POC1B: variants seen among roughly 807,000 people sequenced by gnomAD.
The protein encoded by POC1B is POC1 centriolar protein homolog B.
A neutral mutation model predicts 60.6 loss-of-function variants in POC1B; 44 were observed. The ratio of observed to expected loss-of-function variants is 0.73; its 90% CI spans 0.57 to 0.93. The LOEUF (loss-of-function observed/expected upper bound fraction) is 0.93. Ranked by LOEUF, POC1B falls within the 40% of genes least tolerant of loss-of-function variation. The pLI, the probability that POC1B is intolerant of heterozygous loss-of-function variation, is 0.00. For missense variants in POC1B, 555 were observed against 572.3 expected (o/e 0.97, Z 0.31); for synonymous variants, 180 against 198.9 (o/e 0.90, Z 0.80).
intron 11 of POC1B, among the ~76,000 whole-genome samples, chr12:89,422,255 C>A (rs986751603): frequency 2.6e-5 from 4 of 152,284 alleles, no homozygotes; most frequent in Admixed American, 6.5e-5. Flanking sequence ...CTATCCTGAC[C>A]TTTACAATGA....
intron 8 of POC1B, among the ~76,000 whole-genome samples, chr12:89,467,301 C>T (rs1482484856): frequency 1.3e-5 from 2 of 151,924 alleles, no homozygotes; most frequent in Non-Finnish European, 1.5e-5. Context: ...TTTATATTTA[C>T]CATCCTCAAG....
intron 10 of POC1B, among the ~76,000 whole-genome samples, chr12:89,447,928 T>C (rs1181863898): frequency 6.6e-6 from 1 of 151,910 alleles, no homozygotes; most frequent in Non-Finnish European, 1.5e-5. Flanking sequence ...TGAGGAGCCC[T>C]GAACATGGAG....
At chr12:89,453,341 C>T (rs889295212) in intron 10 of POC1B, among the ~76,000 whole-genome samples, 1 of 152,166 alleles carries the variant, frequency 6.6e-6, no homozygotes, top group African/African-American at 2.4e-5. Flanking sequence ...TAAAAAGTCT[C>T]TTAACTCTTA....
chr12:89,516,705 C>T (rs547237216), intron 2 of POC1B, among the ~76,000 whole-genome samples: 6 of 152,118 alleles, frequency 3.9e-5, no homozygotes, highest in Non-Finnish European at 5.9e-5. Context: ...CTCACAGTTC[C>T]AGAAACCAGA....
chr12:89,501,537 G>A, intron 2 of POC1B: 2 of 1,125,886 alleles, frequency 1.8e-6, no homozygotes, highest in East Asian at 2.4e-5. Flanking sequence ...AAATACAGAT[G>A]CCACCTGTGG....
intron 9 of POC1B, chr12:89,461,983 A>C (rs1882502086): frequency 6.6e-6 from 1 of 152,126 alleles, no homozygotes; most frequent in South Asian, 2.1e-4. Flanking sequence ...ACAGAAAATT[A>C]TTTACCTAGA....
chr12:89,412,616 G>T, the POC1B span, among the ~76,000 whole-genome samples: 3 of 151,278 alleles, frequency 2.0e-5, no homozygotes, highest in African/African-American at 7.3e-5. Context: ...GGTGGAAGTT[G>T]CAGTGAGCCG....
At chr12:89,401,924 A>C in the POC1B span, among the ~76,000 whole-genome samples, 1 of 152,230 alleles carries the variant, frequency 6.6e-6, no homozygotes, top group Non-Finnish European at 1.5e-5. Context: ...TACGAGTCAA[A>C]CTTTCTCTTT....
At chr12:89,468,823 T>C (rs1882780399) in intron 7 of POC1B, among the ~76,000 whole-genome samples, 1 of 152,148 alleles carries the variant, frequency 6.6e-6, no homozygotes, top group Non-Finnish European at 1.5e-5. Context: ...TCTTCTCTTC[T>C]AGACCACAAG....
rs1189096124 is a variant in POC1B at position 89,491,626 on chromosome 12, AAAAAAAAAAAAAG to A, written c.452+297_452+309del. Among the ~76,000 whole-genome samples the A allele has an allele frequency of 5.3e-3, 781 of 147,406 alleles. 6 individuals carry two copies. Among genetic ancestry groups the A allele is most frequent in the Non-Finnish European group, 7.0e-3 (467 of 66,554 alleles). On this transcript the variant is annotated intron_variant, in intron 4 of 11. Coordinates refer to ENST00000313546, the MANE Select transcript of POC1B (RefSeq NM_172240.3). ...GTAACAAGAGTGAGACCGTGTCTCAAAAAAAAAAAAAAGAAAAAAAAAAAAGAAAAAAAAATTA... is the reference window on the plus strand; with the variant it reads ...GTAACAAGAGTGAGACCGTGTCTCAAAAAAAAAAAAAAGAAAAAAAAATTA...
At chr12:89,509,339 A>C (rs1870058801) in intron 2 of POC1B, among the ~76,000 whole-genome samples, 1 of 152,170 alleles carries the variant, frequency 6.6e-6, no homozygotes, top group African/African-American at 2.4e-5. Context: ...TGTCCTTTTG[A>C]TATATTTCCA....
intron 10 of POC1B, among the ~76,000 whole-genome samples, chr12:89,437,174 C>T (rs908618446): frequency 2.6e-5 from 4 of 152,128 alleles, no homozygotes; most frequent in Admixed American, 2.6e-4. Context: ...CCTCCTAATC[C>T]TCCATGCCTC....
intron 6 of POC1B, among the ~76,000 whole-genome samples, chr12:89,471,051 C>A (rs1317254912): frequency 6.6e-6 from 1 of 152,186 alleles, no homozygotes; most frequent in East Asian, 1.9e-4. Context: ...CTATTTAAAT[C>A]TCAATTTCCT....
intron 2 of POC1B, chr12:89,521,734 G>T (rs370187978): frequency 9.3e-5 from 30 of 322,108 alleles, no homozygotes; most frequent in African/African-American, 5.9e-4. Context: ...ACTGAAAGCT[G>T]CCTAAGTGCC....
chr12:89,421,404 C>T (rs1880526407), intron 11 of POC1B, 147 bp from the exon 12 acceptor site: 1 of 589,150 alleles, frequency 1.7e-6, no homozygotes, highest in Non-Finnish European at 2.9e-6. Flanking sequence ...CCAGAACTTG[C>T]TGTGCTTCTG....
At chr12:89,524,911 A>T in intron 2 of POC1B, 1 of 763,480 alleles carries the variant, frequency 1.3e-6, no homozygotes, top group Non-Finnish European at 2.1e-6. Flanking sequence ...GCTGGATAGG[A>T]GGCTCTTGGC....
intron 9 of POC1B, chr12:89,461,578 T>C (rs1015490027): frequency 7.2e-5 from 11 of 152,218 alleles, no homozygotes; most frequent in Non-Finnish European, 1.5e-4. Flanking sequence ...TGATGAAGAC[T>C]TGGCCAGTGA....
chr12:89,402,185 A>T, the POC1B span, among the ~76,000 whole-genome samples: 1 of 152,146 alleles, frequency 6.6e-6, no homozygotes, highest in Non-Finnish European at 1.5e-5. Context: ...ATTGCCCCAG[A>T]GGAAAAGATT....
intron 10 of POC1B, among the ~76,000 whole-genome samples, chr12:89,458,976 G>A (rs191890393): frequency 1.0e-3 from 157 of 152,266 alleles, no homozygotes; most frequent in Non-Finnish European, 1.2e-3. Flanking sequence ...CAACAAAATT[G>A]TAAGTATTAG....
Sources: allele counts gnomAD v4.1 joint callset (sites outside exome capture counted in the v4.1 genomes callset), GRCh38; gene constraint gnomAD v4.1.1; transcripts MANE v1.5; gene names NCBI Gene and HGNC (gene_info 2026-07-23, HGNC 2026-07-21).